TET1: variants seen among roughly 807,000 people sequenced by gnomAD.
TET1 encodes the protein tet methylcytosine dioxygenase 1.
A neutral mutation model predicts 148.7 loss-of-function variants in TET1; 13 were observed. That is an observed-to-expected ratio of 0.09 (90% CI 0.06 to 0.14). The LOEUF (loss-of-function observed/expected upper bound fraction) is 0.14, where lower values mean the gene tolerates loss of function less well. Among genes scored for constraint, TET1 ranks in the 10% least tolerant of loss-of-function variants. TET1 has a pLI of 1.00. For missense variants in TET1, 2,182 were observed against 2,553.8 expected (o/e 0.85, Z 3.14); for synonymous variants, 907 against 937.2 (o/e 0.97, Z 0.59).
chr10:68,585,781 C>T (rs184812471), intron 2 of TET1, among the ~76,000 whole-genome samples: 98 of 151,920 alleles, frequency 6.5e-4, no homozygotes, highest in Non-Finnish European at 1.2e-3. Flanking sequence ...GAGGCTGAGG[C>T]GGGCGATCAC....
chr10:68,672,844 G>C lies in TET1; in HGVS notation c.4674-51G>C, dbSNP rs764450496. 8 of 1,530,370 alleles carry C rather than the reference G, an allele frequency of 5.2e-6. No homozygotes were observed. In the African/African-American group the frequency reaches 9.5e-5, roughly 18 times the overall value. The allele number at this position is 1,530,370 out of a possible 1,614,324, so 94.8% of individuals were successfully genotyped here. ...TATAGAAACCTGAAATGTTCTCTCT[G>C]AGGTATTGTAATGCTTCATCAATTC... On this transcript the variant is annotated intron_variant, in intron 7 of 11. Transcript: ENST00000373644.
Position 68,652,895 on chromosome 10 carries a change from C to T in TET1, c.4461+301C>T, listed in dbSNP as rs527591162. On this transcript the variant is annotated intron_variant, in intron 6 of 11. Transcript: ENST00000373644. ...TAGTGGAGAGCTCAAGTGATCCTCC[C>T]GCCTCAGTCCCCTAAAGTGCTGGGA... Among the ~76,000 whole-genome samples, 626 of 148,878 alleles carry T rather than the reference C, an allele frequency of 4.2e-3. 4 individuals carry two copies. The highest frequency in any genetic ancestry group is 0.015 in the African/African-American group (598 of 40,352).
chr10:68,646,684 A>C lies in TET1; in HGVS notation c.3955A>C (p.Ile1319Leu). 4 of 1,614,150 alleles carry C rather than the reference A, an allele frequency of 2.5e-6. No homozygotes were observed. The highest frequency in any genetic ancestry group is 3.4e-6 in the Non-Finnish European group (4 of 1,180,008). ...TAACGTGATGGCAGGCGATGACCAA[A>C]TACGGTTTCAGCAGGTTGTTAAGGA... is the stretch of plus-strand genomic sequence containing the variant. The part of the protein sequence containing the change: ...CANVMAGDDQ[I>L]RFQQVVKEQL... The change falls in exon 4 of 12, where the codon ATA becomes CTA. Residue 1319 changes from isoleucine (I) to leucine (L), a missense_variant. This residue lies in a region of TET1 where 582 missense variants were observed against 599.5 expected (regional missense o/e 0.97). Coordinates refer to ENST00000373644, the MANE Select transcript of TET1 (RefSeq NM_030625.3).
At chr10:68,650,446 C>G (rs981657575) in intron 4 of TET1, among the ~76,000 whole-genome samples, 1 of 151,934 alleles carries the variant, frequency 6.6e-6, no homozygotes, top group African/African-American at 2.4e-5. Context: ...AGTTCGAGAC[C>G]AGCCTGGCCA....
intron 4 of TET1, among the ~76,000 whole-genome samples, chr10:68,649,142 C>T (rs1344234323): frequency 1.3e-5 from 2 of 152,190 alleles, no homozygotes; most frequent in African/African-American, 4.8e-5. Context: ...TTCACAGAAG[C>T]TCTTCAAAGA....
chr10:68,672,513 A>AC (rs147090010), intron 7 of TET1, among the ~76,000 whole-genome samples: 1 of 107,940 alleles, frequency 9.3e-6, no homozygotes, highest in Non-Finnish European at 1.9e-5. Context: ...AAAAAAAAAC[A>AC]CCAAAAAAAA....
At chr10:68,601,948 G>A (rs1326856894) in intron 3 of TET1, among the ~76,000 whole-genome samples, 3 of 152,080 alleles carry the variant, frequency 2.0e-5, no homozygotes, top group Non-Finnish European at 4.4e-5. Flanking sequence ...AGCACTCAAA[G>A]AGGAACAACA....
intron 3 of TET1, among the ~76,000 whole-genome samples, chr10:68,621,536 G>A (rs1002199347): frequency 1.3e-5 from 2 of 152,032 alleles, no homozygotes; most frequent in Non-Finnish European, 1.5e-5. Context: ...AGCTGAGATC[G>A]CACCATTGCA....
chr10:68,638,380 G>T (rs1383056921), intron 3 of TET1, among the ~76,000 whole-genome samples: 3 of 152,066 alleles, frequency 2.0e-5, no homozygotes, highest in Non-Finnish European at 4.4e-5. Context: ...TTAATAATTT[G>T]GTCTTTCCTC....
chr10:68,646,640 C>G lies in TET1; in HGVS notation c.3911C>G (p.Ser1304Cys). 3 of 1,614,156 alleles carry G rather than the reference C, an allele frequency of 1.9e-6. No homozygotes were observed. Among genetic ancestry groups the G allele is most frequent in the South Asian group, 1.1e-5 (1 of 91,074 alleles). The part of the protein sequence containing the change: ...QKAHPLTQPS[S>C]PPNQCANVMA... ...GCCCATCCTTTGACCCAGCCCTCCTCTCCACCTAACCAGTGTGCTAACGTG... is the reference window on the plus strand; with the variant it reads ...GCCCATCCTTTGACCCAGCCCTCCTGTCCACCTAACCAGTGTGCTAACGTG... Residue 1304 changes from serine (S) to cysteine (C), a missense_variant, in exon 4 of 12, where the codon TCT becomes TGT. This residue lies in a region of TET1 where 582 missense variants were observed against 599.5 expected (regional missense o/e 0.97). Transcript: ENST00000373644.
intron 2 of TET1, among the ~76,000 whole-genome samples, chr10:68,584,545 C>A (rs976602860): frequency 6.6e-6 from 1 of 150,764 alleles, no homozygotes; most frequent in African/African-American, 2.5e-5. Flanking sequence ...CCCGTCTCTA[C>A]GAAAAATGCA....
chr10:68,611,853 GGAGAGAGGGA>G (rs2054218874), intron 3 of TET1, among the ~76,000 whole-genome samples: 1 of 94,770 alleles, frequency 1.1e-5, no homozygotes, highest in South Asian at 4.5e-4. Context: ...GGGGGGGTGG[GGAGAGAGGGA>G]GAGAGAGAGA....
intron 3 of TET1, among the ~76,000 whole-genome samples, chr10:68,622,629 G>A (rs1313755358): frequency 6.6e-6 from 1 of 151,908 alleles, no homozygotes; most frequent in Non-Finnish European, 1.5e-5. Flanking sequence ...GTTCCTCAGT[G>A]TTGAACAGTT....
intron 10 of TET1, among the ~76,000 whole-genome samples, chr10:68,685,340 GTTTA>G (rs1270111757): frequency 6.6e-6 from 1 of 152,098 alleles, no homozygotes; most frequent in East Asian, 1.9e-4. Flanking sequence ...AATCAAATCT[GTTTA>G]TTTCATTTAT....
At chr10:68,601,794 A>G (rs990274901) in intron 3 of TET1, among the ~76,000 whole-genome samples, 1 of 152,180 alleles carries the variant, frequency 6.6e-6, no homozygotes, top group African/African-American at 2.4e-5. Flanking sequence ...GCTATTACAA[A>G]TGTAAGCAAC....
chr10:68,646,167 C>G lies in TET1; in HGVS notation c.3438C>G (p.Thr1146=). 1 of 1,613,132 alleles carries G rather than the reference C, an allele frequency of 6.2e-7. No individual in the cohort carries two copies. The highest frequency in any genetic ancestry group is 8.5e-7 in the Non-Finnish European group (1 of 1,179,868). ...GSSLTKQKNP[T]QKKTKSTPSR... ...CATTAACAAAACAAAAGAACCCAAC[C>G]CAGAAAAAGACAAAATCCACCCCAT... The change falls in exon 4 of 12, where the codon ACC becomes ACG. Residue 1146 remains threonine (T), a synonymous_variant. Transcript: ENST00000373644.
At chr10:68,668,635 G>A (rs1267028593) in intron 7 of TET1, among the ~76,000 whole-genome samples, 4 of 152,072 alleles carry the variant, frequency 2.6e-5, no homozygotes, top group East Asian at 1.9e-4. Flanking sequence ...GCTGGAGTGC[G>A]GTGGCGCAAT....
chr10:68,601,069 T>C, intron 3 of TET1, 35 bp downstream of exon 3: 4 of 1,559,540 alleles, frequency 2.6e-6, no homozygotes, highest in Non-Finnish European at 3.5e-6. Context: ...ATTTCATTAT[T>C]TTTCCATTTC....
At chr10:68,576,548 A>G (rs1241871318) in intron 2 of TET1, among the ~76,000 whole-genome samples, 2 of 151,822 alleles carry the variant, frequency 1.3e-5, no homozygotes, top group East Asian at 1.9e-4. Context: ...TGTAGTCCCA[A>G]CTACTTGGGA....
Sources: allele counts gnomAD v4.1 joint callset (sites outside exome capture counted in the v4.1 genomes callset), GRCh38; gene constraint gnomAD v4.1.1; regional missense constraint gnomAD v4.1.1; transcripts MANE v1.5; gene names NCBI Gene and HGNC (gene_info 2026-07-23, HGNC 2026-07-21).